The following PFDN5 variants were observed in gnomAD, a reference collection of about 807,000 sequenced individuals.
PFDN5 encodes the protein c-myc binding protein.
In PFDN5, 13 loss-of-function variants were observed where a neutral mutation model predicts 21.5. The ratio of observed to expected loss-of-function variants is 0.60; its 90% CI spans 0.39 to 0.96. PFDN5 has a LOEUF of 0.96. PFDN5 is among the 40% of genes least tolerant of loss of function. PFDN5 has a pLI of 0.00. For synonymous variants in PFDN5, 84 were observed against 68.9 expected (o/e 1.22, Z -1.08); for missense variants, 188 against 186.2 (o/e 1.01, Z -0.06).
chr12:53,299,419 T>A lies in PFDN5; in HGVS notation c.*74T>A, dbSNP rs1944201231. On this transcript the variant is annotated 3_prime_UTR_variant, in exon 6 of 6. Coordinates refer to ENST00000334478, the MANE Select transcript of PFDN5 (RefSeq NM_002624.4). Reference sequence around the variant, plus strand: ...CTGGTGATGGGAAGGGTCTTGTGTTTTAATGCCAATAAATGTGCCAGCTGG... The same window carrying A: ...CTGGTGATGGGAAGGGTCTTGTGTTATAATGCCAATAAATGTGCCAGCTGG... 1 of 953,674 alleles carries A rather than the reference T, an allele frequency of 1.0e-6. No individual in the cohort carries two copies. The highest frequency in any genetic ancestry group is 1.6e-5 in the African/African-American group (1 of 61,514). The allele number at this position is 953,674 out of a possible 1,614,324, so 59.1% of individuals were successfully genotyped here.
At chr12:53,296,007 C>G in intron 2 of PFDN5, 66 bp downstream of exon 2, 1 of 981,944 alleles carries the variant, frequency 1.0e-6, no homozygotes, top group Non-Finnish European at 1.6e-6. Flanking sequence ...CACCTCCTAA[C>G]CCAGTTTTTC....
At chr12:53,296,340 CG>C (rs1944149953) in intron 3 of PFDN5, 65 bp downstream of exon 3, 1 of 1,238,566 alleles carries the variant, frequency 8.1e-7, no homozygotes, top group South Asian at 1.2e-5. Flanking sequence ...CCCCAAAAAG[CG>C]GGGAGGGGGA....
rs766994081 is a variant in PFDN5 at position 53,299,320 on chromosome 12, C to T, written c.440C>T (p.Ala147Val). The change falls in exon 6 of 6, where the codon GCA (alanine) becomes GTA (valine). Residue 147 changes from alanine to valine, a missense_variant. Physicochemically the swap from Ala to Val is moderately conservative, Grantham distance 64 (BLOSUM62 0). Coordinates refer to ENST00000334478, the MANE Select transcript of PFDN5 (RefSeq NM_002624.4). ...ATTCAGCAGCTCACAGCCCTGGGGG[C>T]AGCTCAGGCTACTGCTAAGGCCTGA... ...QKIQQLTALG[A>V]AQATAKA The T allele has an allele frequency of 2.5e-6, 4 of 1,611,572 alleles. No individual in the cohort carries two copies. The highest frequency in any genetic ancestry group is 1.6e-4 in the Middle Eastern group (1 of 6,082).
intron 3 of PFDN5, 43 bp from the exon 4 acceptor site, chr12:53,297,807 C>T (rs759336528): frequency 2.1e-5 from 31 of 1,454,152 alleles, no homozygotes; most frequent in Non-Finnish European, 2.9e-5. Flanking sequence ...AATCATGGCT[C>T]ATGCTGGGCT....
rs373832203 is a variant in PFDN5 at position 53,299,221 on chromosome 12, A to G, written c.389-48A>G. On this transcript the variant is annotated intron_variant, in intron 5 of 5. Transcript: ENST00000334478. The stretch of plus-strand genomic sequence containing the variant: ...TTGCCTGTCACTTCTCCTTAACTCT[A>G]GGTTCTCCTTTTTGCTTCTAACCTT... 8 of 1,290,358 alleles carry G rather than the reference A, an allele frequency of 6.2e-6. No homozygotes were observed. In the African/African-American group the frequency reaches 7.3e-5, roughly 12 times the overall value. The allele number at this position is 1,290,358 out of a possible 1,614,324, so 79.9% of individuals were successfully genotyped here.
intron 2 of PFDN5, 111 bp from the exon 3 acceptor site, chr12:53,296,133 T>C (rs1339758713): frequency 1.1e-6 from 1 of 952,244 alleles, no homozygotes; most frequent in Non-Finnish European, 1.7e-6. Flanking sequence ...TGCCCCTGTT[T>C]CCGTTCTTTT....
chr12:53,297,777 C>T lies in PFDN5; in HGVS notation c.208-73C>T, dbSNP rs1944170685. ...TTTGGAAAAAGAGGGTCTTTGGAGG[C>T]CAAGCAGGCTGGCTGGCGGAATCAT... is the stretch of plus-strand genomic sequence containing the variant. On this transcript the variant is annotated intron_variant, in intron 3 of 5. Transcript: ENST00000334478. 6 of 1,128,930 alleles carry T rather than the reference C, an allele frequency of 5.3e-6. No individual in the cohort carries two copies. In the South Asian group the frequency reaches 7.4e-5, roughly 14 times the overall value. The allele number at this position is 1,128,930 out of a possible 1,614,324, so 69.9% of individuals were successfully genotyped here. A position where few individuals can be genotyped will look rare whatever the true frequency, so the allele number is the denominator to read the frequency against.
Position 53,295,956 on chromosome 12 carries a change from G to A in PFDN5, c.175+15G>A. 5.2e-6 allele frequency: 8 copies of A among 1,529,416 alleles called. No homozygotes were observed. The highest frequency in any genetic ancestry group is 6.3e-6 in the Non-Finnish European group (7 of 1,103,912). The allele number at this position is 1,529,416 out of a possible 1,614,324, so 94.7% of individuals were successfully genotyped here. ...GAGCAACGAGGGTATGGGGTAGGCG[G>A]GTGAGGGTAACCTAAAGTGGCGAAC... On this transcript the variant is annotated intron_variant, in intron 2 of 5. Coordinates refer to ENST00000334478, the MANE Select transcript of PFDN5 (RefSeq NM_002624.4).
At chr12:53,297,273 A>G (rs1228926800) in intron 3 of PFDN5, 1 of 154,286 alleles carries the variant, frequency 6.5e-6, no homozygotes, top group Admixed American at 6.4e-5. Flanking sequence ...TACTAAATAT[A>G]CAAAAATTAG....
At chr12:53,298,200 A>C (rs1488094449) in intron 5 of PFDN5, 50 bp downstream of exon 5, 2 of 1,165,998 alleles carry the variant, frequency 1.7e-6, no homozygotes, top group African/African-American at 3.0e-5. Context: ...AATAAGGAAC[A>C]TGGATTGCAG....
intron 3 of PFDN5, 55 bp from the exon 4 acceptor site, chr12:53,297,795 G>A (rs562068977): frequency 4.5e-5 from 61 of 1,347,396 alleles, no homozygotes; most frequent in East Asian, 3.4e-4. Context: ...GCTGGCTGGC[G>A]GAATCATGGC....
At position 53,298,108 on chromosome 12, in the gene PFDN5, A is replaced by G; in HGVS notation, c.346A>G (p.Lys116Glu). 6.2e-7 allele frequency: 1 copy of G among 1,613,808 alleles called. No individual in the cohort carries two copies. The highest frequency in any genetic ancestry group is 8.5e-7 in the Non-Finnish European group (1 of 1,179,662). The change falls in exon 5 of 6, where the codon AAA becomes GAA. Residue 116 changes from lysine to glutamate, a missense_variant. Coordinates refer to ENST00000334478, the MANE Select transcript of PFDN5 (RefSeq NM_002624.4). The stretch of plus-strand genomic sequence containing the variant: ...AGATTTTCTAACCAAGCAGATGGAG[A>G]AAATCCAACCAGCTCTTCAGGAGAA... ...KIDFLTKQME[K>E]IQPALQEKHA...
chr12:53,297,776 G>A (rs987835479), intron 3 of PFDN5, 74 bp from the exon 4 acceptor site: 2 of 1,110,664 alleles, frequency 1.8e-6, no homozygotes, highest in Admixed American at 3.4e-5. Context: ...GTCTTTGGAG[G>A]CCAAGCAGGC....
chr12:53,298,254 C>T, intron 5 of PFDN5, 104 bp downstream of exon 5: 2 of 733,068 alleles, frequency 2.7e-6, no homozygotes, highest in Admixed American at 2.0e-5. Context: ...AAAACTATGT[C>T]TTAGTTTCTC....
chr12:53,297,647 A>C, intron 3 of PFDN5: 1 of 565,378 alleles, frequency 1.8e-6, no homozygotes, highest in East Asian at 3.0e-5. Flanking sequence ...TCCAGCATAC[A>C]TCATTTTCTC....
chr12:53,299,098 T>C (rs1944193836), intron 5 of PFDN5, 171 bp from the exon 6 acceptor site: 1 of 443,188 alleles, frequency 2.3e-6, no homozygotes. Flanking sequence ...ATCGTGCCAC[T>C]GCACTCCAGC....
rs1944138666 is a variant in PFDN5 at position 53,295,586 on chromosome 12, A to G, written c.19A>G (p.Ile7Val). The change falls in exon 1 of 6, where the codon ATC (isoleucine) becomes GTC (valine). Residue 7 changes from isoleucine to valine, a missense_variant. Ile to Val is a conservative substitution (Grantham distance 29, BLOSUM62 3). Coordinates refer to ENST00000334478, the MANE Select transcript of PFDN5 (RefSeq NM_002624.4). The stretch of plus-strand genomic sequence containing the variant: ...TCCCAACATGGCGCAGTCTATTAAC[A>G]TCACGGAGCTGAATCTGCCGCAGCT... MAQSIN[I>V]TELNLPQLEM... 4 of 1,613,874 alleles carry G rather than the reference A, an allele frequency of 2.5e-6. No individual in the cohort carries two copies. In the African/African-American group the frequency reaches 5.3e-5, roughly 22 times the overall value.
Position 53,296,333 on chromosome 12 carries a change from C to T in PFDN5, c.207+58C>T, listed in dbSNP as rs1182784768. On this transcript the variant is annotated intron_variant, in intron 3 of 5. Transcript: ENST00000334478. Reference sequence around the variant, plus strand: ...CTTCTCCCTTTCTCCTTCACTCCCCCAAAAAGCGGGGAGGGGGATTGTTTT... The same window carrying T: ...CTTCTCCCTTTCTCCTTCACTCCCCTAAAAAGCGGGGAGGGGGATTGTTTT... 3 of 1,351,996 alleles carry T rather than the reference C, an allele frequency of 2.2e-6. No homozygotes were observed. The Admixed American group carries it at 5.4e-5, about 24-fold the overall frequency. The allele number at this position is 1,351,996 out of a possible 1,614,324, so 83.7% of individuals were successfully genotyped here.
In PFDN5 at chr12:53,295,874, C is replaced by T; in HGVS notation, c.108C>T (p.Leu36=). Residue 36 remains leucine (L), a synonymous_variant, in exon 2 of 6, where the codon CTC becomes CTT. Coordinates refer to ENST00000334478, the MANE Select transcript of PFDN5 (RefSeq NM_002624.4). ...TCTTGTCCACGTCCATTGCTCAGCT[C>T]AAAGTGGTACAGACCAAGTATGTGG... ...VEFLSTSIAQ[L]KVVQTKYVEA... is the part of the protein sequence containing the mutation. The T allele has an allele frequency of 1.9e-6, 3 of 1,611,126 alleles. No homozygotes were observed. Among genetic ancestry groups the T allele is most frequent in the South Asian group, 1.1e-5 (1 of 91,012 alleles).
Sources: allele counts gnomAD v4.1 joint callset, GRCh38; gene constraint gnomAD v4.1.1; transcripts MANE v1.5; gene names NCBI Gene and HGNC (gene_info 2026-07-23, HGNC 2026-07-21).